Variants in RARB observed in about 807,000 individuals in gnomAD.
RARB encodes the protein HBV-activated protein.
In RARB, 17 loss-of-function variants were observed where a neutral mutation model predicts 51.9. The ratio of observed to expected loss-of-function variants is 0.33; its 90% CI spans 0.22 to 0.49. The LOEUF (loss-of-function observed/expected upper bound fraction) is 0.49, where lower values mean the gene tolerates loss of function less well. Ranked by LOEUF, RARB falls within the 20% of genes least tolerant of loss-of-function variation. The pLI, the probability that RARB is intolerant of heterozygous loss-of-function variation, is 0.99. For synonymous variants in RARB, 215 were observed against 195.4 expected, an observed-to-expected ratio of 1.10 and a Z score of -0.84; for missense variants, 369 against 550.8, an observed-to-expected ratio of 0.67 and a Z score of 3.30.
intron 5 of RARB, among the ~76,000 whole-genome samples, chr3:25,224,689 C>A (rs1414844268): frequency 1.3e-5 from 2 of 152,100 alleles, no homozygotes; most frequent in African/African-American, 2.4e-5. Context: ...CTCACTGTAA[C>A]CTCAACCTCC....
At chr3:25,383,930 C>CAAA (rs11401651) in intron 5 of RARB, among the ~76,000 whole-genome samples, 2,183 of 128,560 alleles carry the variant, frequency 0.017, 31 homozygotes, top group African/African-American at 0.036. Context: ...GACTTTGTCT[C>CAAA]AAAAAAAAAA....
intron 2 of RARB, 68 bp downstream of exon 2, chr3:25,461,409 CA>C (rs1262477324): frequency 6.5e-7 from 1 of 1,536,414 alleles, no homozygotes; most frequent in Non-Finnish European, 8.8e-7. Flanking sequence ...GTGACCTACC[CA>C]GTTCCAAAAA....
At chr3:25,172,472 A>G (rs321542) in intron 4 of RARB, among the ~76,000 whole-genome samples, 25,187 of 152,186 alleles carry the variant, frequency 0.17, 2,234 homozygotes, top group South Asian at 0.25. Flanking sequence ...ACATATGGTA[A>G]ATAGTCAATG....
intron 5 of RARB, among the ~76,000 whole-genome samples, chr3:25,364,882 G>A (rs1171797272): frequency 6.6e-6 from 1 of 152,158 alleles, no homozygotes; most frequent in South Asian, 2.1e-4. Context: ...ATATCGTTAA[G>A]TACTTCATTT....
At chr3:24,965,837 A>G (rs1696241885) in intron 2 of RARB, among the ~76,000 whole-genome samples, 1 of 152,120 alleles carries the variant, frequency 6.6e-6, no homozygotes, top group Non-Finnish European at 1.5e-5. Flanking sequence ...GACCCTCCAG[A>G]AAAAAATAAT....
At chr3:25,349,834 C>A (rs1705505896) in intron 5 of RARB, among the ~76,000 whole-genome samples, 1 of 152,190 alleles carries the variant, frequency 6.6e-6, no homozygotes, top group Admixed American at 6.5e-5. Context: ...CATGAGTCTA[C>A]AATTTGCACC....
chr3:25,056,687 A>G (rs1398379534), intron 2 of RARB, among the ~76,000 whole-genome samples: 3 of 151,740 alleles, frequency 2.0e-5, no homozygotes, highest in Non-Finnish European at 3.0e-5. Context: ...AATGTATCAT[A>G]TGATATACAT....
intron 5 of RARB, among the ~76,000 whole-genome samples, chr3:25,212,137 A>G (rs1460786421): frequency 4.6e-5 from 7 of 152,316 alleles, no homozygotes; most frequent in Non-Finnish European, 7.3e-5. Flanking sequence ...CAAACCAGCA[A>G]TGGGTTGTGA....
At chr3:25,320,769 G>T (rs1373759491) in intron 5 of RARB, among the ~76,000 whole-genome samples, 1 of 152,108 alleles carries the variant, frequency 6.6e-6, no homozygotes, top group African/African-American at 2.4e-5. Context: ...TTGTTTGTTT[G>T]TTTTTGACCA....
intron 4 of RARB, among the ~76,000 whole-genome samples, chr3:25,146,619 T>C (rs989620713): frequency 6.6e-6 from 1 of 151,440 alleles, no homozygotes; most frequent in African/African-American, 2.4e-5. Context: ...GCCATTCTCC[T>C]GCCTCAGCCT....
intron 5 of RARB, among the ~76,000 whole-genome samples, chr3:25,592,193 T>C (rs144360543): frequency 1.8e-3 from 272 of 152,330 alleles, no homozygotes; most frequent in African/African-American, 6.0e-3. Flanking sequence ...TCTCTGCACA[T>C]GGCTGTGTAA....
chr3:25,151,955 G>A (rs1246554815), intron 4 of RARB, among the ~76,000 whole-genome samples: 1 of 151,994 alleles, frequency 6.6e-6, no homozygotes, highest in African/African-American at 2.4e-5. Context: ...GTATGCCTGG[G>A]CAACGTGAGC....
rs1177901522 is a variant in RARB, at chr3:24,958,905, C to T, written c.-380+100153C>T. On this transcript the variant is annotated intron_variant, in intron 2 of 11. Transcript: ENST00000383772. ...CTTCATGGGCCTCATGACAGGAGTG[C>T]CTTGCTTACTCAGCCCGCAGCTCTC... Among the ~76,000 whole-genome samples the T allele has an allele frequency of 2.0e-5, 3 of 152,258 alleles. No homozygotes were observed. The South Asian group carries it at 6.2e-4, about 32-fold the overall frequency.
chr3:25,164,680 C>T, intron 4 of RARB, among the ~76,000 whole-genome samples: 1 of 151,838 alleles, frequency 6.6e-6, no homozygotes, highest in Admixed American at 6.6e-5. Context: ...CTTTGGGGAC[C>T]CTATTATGGT....
chr3:25,132,335 T>C (rs984776955), intron 4 of RARB, among the ~76,000 whole-genome samples: 2 of 151,916 alleles, frequency 1.3e-5, no homozygotes, highest in Non-Finnish European at 2.9e-5. Flanking sequence ...TCTTGTGCTT[T>C]CATGATATTA....
At chr3:25,181,537 G>A (rs1700861268) in intron 5 of RARB, among the ~76,000 whole-genome samples, 2 of 152,090 alleles carry the variant, frequency 1.3e-5, no homozygotes, top group South Asian at 4.1e-4. Flanking sequence ...GAAGCTAGGA[G>A]GCTTAATGTC....
intron 2 of RARB, among the ~76,000 whole-genome samples, chr3:24,902,402 G>GTT (rs111594275): frequency 2.0e-5 from 3 of 151,364 alleles, no homozygotes; most frequent in East Asian, 3.9e-4. Flanking sequence ...TTGACACCAG[G>GTT]TTTTTTTTTC....
chr3:24,930,301 G>T (rs1483938351), intron 2 of RARB, among the ~76,000 whole-genome samples: 3 of 151,932 alleles, frequency 2.0e-5, no homozygotes, highest in Non-Finnish European at 2.9e-5. Context: ...AAGGGAAGTG[G>T]ATTAGAGGTG....
intron 5 of RARB, among the ~76,000 whole-genome samples, chr3:25,286,236 C>T (rs1703651273): frequency 6.6e-6 from 1 of 151,862 alleles, no homozygotes; most frequent in African/African-American, 2.4e-5. Flanking sequence ...CTACAGGCGC[C>T]CGCCACCATG....
Sources: gnomAD v4.1 joint callset for allele counts (sites outside exome capture counted in the v4.1 genomes callset) on GRCh38, gnomAD v4.1.1 for gene constraint, MANE v1.5 for transcripts, NCBI Gene and HGNC (gene_info 2026-07-23, HGNC 2026-07-21) for gene names.